OR6C74: variants seen among roughly 807,000 people sequenced by gnomAD.
OR6C74 encodes olfactory receptor 6C74.
For synonymous variants in OR6C74, 142 were observed against 134.2 expected (o/e 1.06, Z -0.40); for missense variants, 361 against 362.9 (o/e 0.99, Z 0.04).
chr12:55,245,554 T>C (rs532431364), intron 1 of OR6C74, among the ~76,000 whole-genome samples: 51 of 152,278 alleles, frequency 3.3e-4, no homozygotes, highest in Middle Eastern at 3.4e-3. Context: ...CCTTTGGGAC[T>C]ATACTGGTGG....
chr12:55,256,610 A>G lies in OR6C74; in HGVS notation c.*8384A>G, dbSNP rs975757213. 3.9e-5 allele frequency among the ~76,000 whole-genome samples: 6 copies of G among 152,102 alleles called. No homozygotes were observed. Among genetic ancestry groups the G allele is most frequent in the Admixed American group, 3.3e-4 (5 of 15,262 alleles). The stretch of plus-strand genomic sequence containing the variant: ...TATGTTAAAGAACTACTTCATCCCC[A>G]TGTGACCATCTCACCTCATAATCAA... On this transcript the variant is annotated 3_prime_UTR_variant, in exon 2 of 2. Transcript: ENST00000343399.
rs1356960809 is a variant in OR6C74 at position 55,251,652 on chromosome 12, A to G, written c.*3426A>G. On this transcript the variant is annotated 3_prime_UTR_variant, in exon 2 of 2. Coordinates refer to ENST00000343399, the MANE Select transcript of OR6C74 (RefSeq NM_001005490.2). ...ATGAAAAAAAAATTAGGTGTTAGAA[A>G]ACTACAAGTTTACTATAAATATGGA... 1.3e-5 allele frequency among the ~76,000 whole-genome samples: 2 copies of G among 151,946 alleles called. No individual in the cohort carries two copies. Among genetic ancestry groups the G allele is most frequent in the Non-Finnish European group, 2.9e-5 (2 of 67,878 alleles).
Position 55,254,656 on chromosome 12 carries a change from A to C in OR6C74, c.*6430A>C, listed in dbSNP as rs1170371722. On this transcript the variant is annotated 3_prime_UTR_variant, in exon 2 of 2. Transcript: ENST00000343399. The stretch of plus-strand genomic sequence containing the variant: ...AACCTTGTAATTTTCTTTCTTTAAG[A>C]TCCTCAATATGGATCTTACCATGTT... Among the ~76,000 whole-genome samples, 2 of 151,146 alleles carry C rather than the reference A, an allele frequency of 1.3e-5. No individual in the cohort carries two copies. Among genetic ancestry groups the C allele is most frequent in the East Asian group, 3.9e-4 (2 of 5,156 alleles).
At chr12:55,246,049 A>G (rs61956042) in intron 1 of OR6C74, among the ~76,000 whole-genome samples, 37,483 of 152,176 alleles carry the variant, frequency 0.25, 5,182 homozygotes, top group Middle Eastern at 0.38. Flanking sequence ...AATAATGTTC[A>G]TATACAGTTT....
In OR6C74 at chr12:55,255,070, C is replaced by G. The variant is rs1331365625; in HGVS notation, c.*6844C>G. On this transcript the variant is annotated 3_prime_UTR_variant, in exon 2 of 2. Transcript: ENST00000343399. ...GAAAGATCGAAATAATACCTCCCTC[C>G]AGGGCAGAAGGGAGATTTGCTTCCT... Among the ~76,000 whole-genome samples, 1 of 151,994 alleles carries G rather than the reference C, an allele frequency of 6.6e-6. No individual in the cohort carries two copies. Among genetic ancestry groups the G allele is most frequent in the African/African-American group, 2.4e-5 (1 of 41,364 alleles).
intron 1 of OR6C74, among the ~76,000 whole-genome samples, chr12:55,246,851 G>C (rs934821139): frequency 1.3e-5 from 2 of 151,924 alleles, no homozygotes; most frequent in South Asian, 4.1e-4. Context: ...CTGAATTAAT[G>C]AATAGCAAAG....
rs1273658557 is a variant in OR6C74 at position 55,253,135 on chromosome 12, A to G, written c.*4909A>G. ...TTTTATTTGCAGGTTGTGCCAATAA[A>G]TTCTTGTATTATCTATTAATCCATA... On this transcript the variant is annotated 3_prime_UTR_variant, in exon 2 of 2. Coordinates refer to ENST00000343399, the MANE Select transcript of OR6C74 (RefSeq NM_001005490.2). Among the ~76,000 whole-genome samples, 4 of 152,088 alleles carry G rather than the reference A, an allele frequency of 2.6e-5. No individual in the cohort carries two copies. Among genetic ancestry groups the G allele is most frequent in the African/African-American group, 9.7e-5 (4 of 41,450 alleles).
intron 1 of OR6C74, among the ~76,000 whole-genome samples, chr12:55,245,217 A>G (rs923411957): frequency 6.6e-6 from 1 of 152,138 alleles, no homozygotes; most frequent in African/African-American, 2.4e-5. Flanking sequence ...GTGTTATAAG[A>G]AAGCTTTGAA....
rs953589835 is a variant in OR6C74, at chr12:55,253,013, T to C, written c.*4787T>C. On this transcript the variant is annotated 3_prime_UTR_variant, in exon 2 of 2. Transcript: ENST00000343399. ...GTAAAATACATCTCAGGATCTCAGG[T>C]GGAAGTCTGTACCAAAACAATCCTT... Among the ~76,000 whole-genome samples, 3 of 151,910 alleles carry C rather than the reference T, an allele frequency of 2.0e-5. No homozygotes were observed. The highest frequency in any genetic ancestry group is 4.4e-5 in the Non-Finnish European group (3 of 67,912).
chr12:55,245,887 T>A (rs73116914), intron 1 of OR6C74, among the ~76,000 whole-genome samples: 37,457 of 151,812 alleles, frequency 0.25, 5,180 homozygotes, highest in Middle Eastern at 0.38. Flanking sequence ...TTTAGAAAAA[T>A]GATCAACCAA....
intron 1 of OR6C74, among the ~76,000 whole-genome samples, 145 bp downstream of exon 1, chr12:55,244,962 G>A (rs1954261833): frequency 6.6e-6 from 1 of 151,974 alleles, no homozygotes; most frequent in African/African-American, 2.4e-5. Flanking sequence ...TCTGTGCTGG[G>A]ACTTACCTGA....
At chr12:55,245,288 T>A (rs1404171513) in intron 1 of OR6C74, among the ~76,000 whole-genome samples, 1 of 152,158 alleles carries the variant, frequency 6.6e-6, no homozygotes, top group African/African-American at 2.4e-5. Context: ...CAATTGAATC[T>A]CAGGAATGCA....
rs966952936 is a variant in OR6C74 at position 55,252,864 on chromosome 12, C to G, written c.*4638C>G. Among the ~76,000 whole-genome samples the G allele has an allele frequency of 1.3e-5, 2 of 151,998 alleles. No homozygotes were observed. The highest frequency in any genetic ancestry group is 4.8e-5 in the African/African-American group (2 of 41,424). On this transcript the variant is annotated 3_prime_UTR_variant, in exon 2 of 2. Coordinates refer to ENST00000343399, the MANE Select transcript of OR6C74 (RefSeq NM_001005490.2). ...TACATAAGAAATTCTGATTCTGTAT[C>G]TGATACAAGTTTTTAAATTATTACT...
chr12:55,249,546 T>C lies in OR6C74; in HGVS notation c.*1320T>C, dbSNP rs115606820. On this transcript the variant is annotated 3_prime_UTR_variant, in exon 2 of 2. Coordinates refer to ENST00000343399, the MANE Select transcript of OR6C74 (RefSeq NM_001005490.2). ...ATTTTACAAGCATTAGTGAGAAGCT[T>C]TAAATATATATATATCTAAATAAAT... Among the ~76,000 whole-genome samples, 1,519 of 152,094 alleles carry C rather than the reference T, an allele frequency of 1.0e-2. 29 individuals carry two copies. Among genetic ancestry groups the C allele is most frequent in the East Asian group, 0.037 (193 of 5,164 alleles).
At position 55,247,614 on chromosome 12, in the gene OR6C74, A is replaced by AT. The variant is rs759141250; in HGVS notation, c.333dup (p.Leu112SerfsTer8). ...TCACTATTCTCTTGGGGGCAACTGAATTTTTTCTTCTGGCTGCCATGTCCT... is the reference window on the plus strand; with the variant it reads ...TCACTATTCTCTTGGGGGCAACTGAATTTTTTTCTTCTGGCTGCCATGTCCT... On this transcript the variant is annotated frameshift_variant, in exon 2 of 2. Coordinates refer to ENST00000343399, the MANE Select transcript of OR6C74 (RefSeq NM_001005490.2). LOFTEE classifies it low-confidence loss of function (END_TRUNC). 108 of 1,613,504 alleles carry AT rather than the reference A, an allele frequency of 6.7e-5. No individual in the cohort carries two copies. The highest frequency in any genetic ancestry group is 2.5e-4 in the Admixed American group (15 of 59,942).
rs539365950 is a variant in OR6C74, at chr12:55,250,106, A to G, written c.*1880A>G. 6.6e-6 allele frequency among the ~76,000 whole-genome samples: 1 copy of G among 152,184 alleles called. No homozygotes were observed. The highest frequency in any genetic ancestry group is 2.4e-5 in the African/African-American group (1 of 41,446). ...ACGACACTCAAGAAAAGTTGACTCA[A>G]AATGTTTGGAATCTGACAAAAAGTC... is the stretch of plus-strand genomic sequence containing the variant. On this transcript the variant is annotated 3_prime_UTR_variant, in exon 2 of 2. Transcript: ENST00000343399.
intron 1 of OR6C74, among the ~76,000 whole-genome samples, chr12:55,245,576 T>C (rs1220305998): frequency 6.6e-6 from 1 of 152,170 alleles, no homozygotes; most frequent in Non-Finnish European, 1.5e-5. Context: ...TGGAAACATA[T>C]GACTATTTTA....
intron 1 of OR6C74, 146 bp from the exon 2 acceptor site, chr12:55,247,133 A>G (rs140103834): frequency 1.6e-4 from 82 of 501,912 alleles, no homozygotes; most frequent in African/African-American, 1.5e-3. Context: ...TTGAGTAAAA[A>G]TCACATAAGT....
At position 55,255,690 on chromosome 12, in the gene OR6C74, TA is replaced by T. The variant is rs1293514532; in HGVS notation, c.*7466del. Among the ~76,000 whole-genome samples, 5 of 152,140 alleles carry T rather than the reference TA, an allele frequency of 3.3e-5. No individual in the cohort carries two copies. The highest frequency in any genetic ancestry group is 1.2e-4 in the African/African-American group (5 of 41,426). ...CTGGAAACTATCATTCTCAGCAAAC[TA>T]ACACAAGAACAGAAAACCAAACACC... On this transcript the variant is annotated 3_prime_UTR_variant, in exon 2 of 2. Transcript: ENST00000343399.
Sources: allele counts gnomAD v4.1 joint callset (sites outside exome capture counted in the v4.1 genomes callset), GRCh38; gene constraint gnomAD v4.1.1; transcripts MANE v1.5; gene names NCBI Gene and HGNC (gene_info 2026-07-23, HGNC 2026-07-21).